Variants in EPHB1 observed in about 807,000 individuals in gnomAD.
EPHB1 encodes EPH receptor B1.
Under a neutral mutation model 94.4 loss-of-function variants are expected in EPHB1, and 30 were observed. That is an observed-to-expected ratio of 0.32 (90% CI 0.24 to 0.43). The LOEUF is 0.43. Ranked by LOEUF, EPHB1 falls within the 20% of genes least tolerant of loss-of-function variation. The pLI is 1.00. For missense variants in EPHB1, 1,055 were observed against 1,308.3 expected (o/e 0.81, Z 2.99); for synonymous variants, 522 against 489.1 (o/e 1.07, Z -0.89).
chr3:134,918,153 G>A (rs16842255), intron 1 of EPHB1, among the ~76,000 whole-genome samples: 1,815 of 152,282 alleles, frequency 0.012, 112 homozygotes, highest in Admixed American at 0.1. Context: ...AAGTGATAAC[G>A]AAAACCAACC....
chr3:134,954,655 C>A (rs1306864053), intron 3 of EPHB1, among the ~76,000 whole-genome samples: 1 of 152,200 alleles, frequency 6.6e-6, no homozygotes, highest in African/African-American at 2.4e-5. Context: ...TTTGATATAT[C>A]TTTTCTGCAT....
Position 134,853,598 on chromosome 3 carries a change from G to A in EPHB1, c.58+57909G>A, listed in dbSNP as rs547504649. Among the ~76,000 whole-genome samples the A allele has an allele frequency of 5.9e-5, 9 of 152,334 alleles. No individual in the cohort carries two copies. The East Asian group carries it at 1.7e-3, about 29-fold the overall frequency. On this transcript the variant is annotated intron_variant, in intron 1 of 15. Coordinates refer to ENST00000398015, the MANE Select transcript of EPHB1 (RefSeq NM_004441.5). ...TTTGAAATGGCTGAGACTTGCAAGTGACTATTGAGAAGGAGATTGGATATA... is the reference window on the plus strand; with the variant it reads ...TTTGAAATGGCTGAGACTTGCAAGTAACTATTGAGAAGGAGATTGGATATA...
intron 1 of EPHB1, among the ~76,000 whole-genome samples, chr3:134,851,103 A>C (rs2036974963): frequency 6.6e-6 from 1 of 152,158 alleles, no homozygotes; most frequent in South Asian, 2.1e-4. Context: ...GTGTCCCTCC[A>C]GTGTCTGGCT....
intron 5 of EPHB1, among the ~76,000 whole-genome samples, chr3:135,153,906 T>A (rs547717785): frequency 1.3e-5 from 2 of 152,322 alleles, no homozygotes; most frequent in South Asian, 4.1e-4. Flanking sequence ...AAGTCCCATG[T>A]CCATTCCAGC....
chr3:134,805,053 T>A (rs545745766), intron 1 of EPHB1, among the ~76,000 whole-genome samples: 56 of 152,340 alleles, frequency 3.7e-4, no homozygotes, highest in African/African-American at 1.3e-3. Flanking sequence ...CACATCAACA[T>A]AGGACCTTTG....
intron 4 of EPHB1, among the ~76,000 whole-genome samples, chr3:135,131,243 G>A (rs1185666580): frequency 1.3e-5 from 2 of 152,212 alleles, no homozygotes; most frequent in African/African-American, 4.8e-5. Flanking sequence ...ATATGGTACA[G>A]TACTGATTTT....
intron 4 of EPHB1, among the ~76,000 whole-genome samples, chr3:135,128,740 G>A (rs1347038563): frequency 6.6e-6 from 1 of 152,282 alleles, no homozygotes; most frequent in East Asian, 1.9e-4. Flanking sequence ...AAGCTTGCCT[G>A]TCTTGGTTTT....
At chr3:135,014,817 C>G (rs981202509) in intron 3 of EPHB1, among the ~76,000 whole-genome samples, 5 of 152,218 alleles carry the variant, frequency 3.3e-5, no homozygotes, top group Admixed American at 1.3e-4. Flanking sequence ...GATGGCCCAC[C>G]TGGAGCTGGC....
At chr3:135,093,233 A>G (rs1029897133) in intron 3 of EPHB1, among the ~76,000 whole-genome samples, 3 of 152,156 alleles carry the variant, frequency 2.0e-5, no homozygotes, top group Non-Finnish European at 4.4e-5. Flanking sequence ...AGTTGGGGAC[A>G]CAGAGACATG....
intron 3 of EPHB1, among the ~76,000 whole-genome samples, chr3:135,087,936 C>G (rs1938418503): frequency 6.6e-6 from 1 of 152,168 alleles, no homozygotes; most frequent in Non-Finnish European, 1.5e-5. Flanking sequence ...CTGTAGAATA[C>G]CCAGCAGCCA....
intron 1 of EPHB1, among the ~76,000 whole-genome samples, chr3:134,904,074 C>T (rs2038262797): frequency 6.6e-6 from 1 of 152,190 alleles, no homozygotes; most frequent in Non-Finnish European, 1.5e-5. Flanking sequence ...TGCTGCTGGC[C>T]TAGGAGATCT....
chr3:134,810,931 G>T (rs2036160571), intron 1 of EPHB1, among the ~76,000 whole-genome samples: 1 of 152,154 alleles, frequency 6.6e-6, no homozygotes, highest in Admixed American at 6.5e-5. Context: ...TTGCTGAGTT[G>T]AGTTGGGTTA....
At chr3:135,009,439 A>G (rs1935545134) in intron 3 of EPHB1, among the ~76,000 whole-genome samples, 1 of 152,204 alleles carries the variant, frequency 6.6e-6, no homozygotes, top group African/African-American at 2.4e-5. Flanking sequence ...GCTTTCCTGT[A>G]TCTGTAGATG....
chr3:135,014,388 C>A (rs1935722304), intron 3 of EPHB1, among the ~76,000 whole-genome samples: 1 of 152,122 alleles, frequency 6.6e-6, no homozygotes, highest in East Asian at 1.9e-4. Flanking sequence ...AGGGGGCCTT[C>A]CTTTTCTGTT....
chr3:135,247,484 T>C (rs755714601), intron 13 of EPHB1, among the ~76,000 whole-genome samples: 11 of 152,254 alleles, frequency 7.2e-5, no homozygotes, highest in Non-Finnish European at 1.5e-4. Flanking sequence ...ACAATTATTT[T>C]TTTAATGTAA....
intron 11 of EPHB1, among the ~76,000 whole-genome samples, chr3:135,200,136 T>TG (rs1942717543): frequency 6.6e-6 from 1 of 152,180 alleles, no homozygotes; most frequent in African/African-American, 2.4e-5. Flanking sequence ...CTCAGCCCTT[T>TG]GGGGAGCATT....
At chr3:135,012,442 C>T (rs1019134659) in intron 3 of EPHB1, among the ~76,000 whole-genome samples, 4 of 152,198 alleles carry the variant, frequency 2.6e-5, no homozygotes, top group Admixed American at 2.0e-4. Flanking sequence ...GAACATCCTC[C>T]GTCAGTTGCC....
At chr3:135,112,857 C>A (rs984499800) in intron 4 of EPHB1, among the ~76,000 whole-genome samples, 1 of 152,014 alleles carries the variant, frequency 6.6e-6, no homozygotes, top group African/African-American at 2.4e-5. Context: ...AAAAGTCGAC[C>A]TTTTGACAAG....
intron 3 of EPHB1, among the ~76,000 whole-genome samples, chr3:134,971,903 A>G (rs768465957): frequency 1.2e-4 from 18 of 152,174 alleles, no homozygotes; most frequent in Non-Finnish European, 2.1e-4. Flanking sequence ...TTTCAGTTCA[A>G]TGGGAGGAGC....
Sources: gnomAD v4.1 joint callset for allele counts (sites outside exome capture counted in the v4.1 genomes callset) on GRCh38, gnomAD v4.1.1 for gene constraint, MANE v1.5 for transcripts, NCBI Gene and HGNC (gene_info 2026-07-23, HGNC 2026-07-21) for gene names.